Variants in CNTNAP3B observed in about 807,000 individuals in gnomAD.
The protein encoded by CNTNAP3B is contactin associated protein family member 3B.
In CNTNAP3B, 25 loss-of-function variants were observed where a neutral mutation model predicts 108.9. The ratio of observed to expected loss-of-function variants is 0.23; its 90% CI spans 0.17 to 0.32. The LOEUF is 0.32. Among genes scored for constraint, CNTNAP3B ranks in the 10% least tolerant of loss-of-function variants. The pLI is 1.00. For missense variants in CNTNAP3B, 252 were observed against 1,210.4 expected (o/e 0.21, Z 11.75); for synonymous variants, 103 against 473.4 (o/e 0.22, Z 10.16).
At chr9:42,075,156 G>A (rs1362821141) in intron 3 of CNTNAP3B, among the ~76,000 whole-genome samples, 1 of 144,332 alleles carries the variant, frequency 6.9e-6, no homozygotes, top group Non-Finnish European at 1.5e-5. Context: ...GTGTACATCT[G>A]TCTCTGGGTC....
chr9:42,020,799 C>T (rs915331658), intron 3 of CNTNAP3B, among the ~76,000 whole-genome samples: 2 of 113,902 alleles, frequency 1.8e-5, no homozygotes, highest in African/African-American at 7.4e-5. Flanking sequence ...CTCTCTAAAC[C>T]CAGCTCCTTG....
In CNTNAP3B at chr9:41,983,085, AG is replaced by A. The variant is rs936037313; in HGVS notation, c.1477+3082del. ...GGTGAAGATCGAAAAACTACCTACT[AG>A]GTACTATGCTCATTACCTGGGTGAT... On this transcript the variant is annotated intron_variant, in intron 9 of 23. Transcript: ENST00000377561. Among the ~76,000 whole-genome samples, 4 of 128,756 alleles carry A rather than the reference AG, an allele frequency of 3.1e-5. 1 individual carries two copies. The highest frequency in any genetic ancestry group is 1.6e-4 in the Admixed American group (2 of 12,678). 84.5% of individuals were successfully genotyped at this position (128,756 alleles called of 152,430 possible). A position where few individuals can be genotyped will look rare whatever the true frequency, so the allele number is the denominator to read the frequency against.
chr9:42,014,561 C>T (rs1287182446), intron 3 of CNTNAP3B, among the ~76,000 whole-genome samples: 8 of 118,740 alleles, frequency 6.7e-5, no homozygotes, highest in East Asian at 6.2e-4. Flanking sequence ...GAGGCCAAGT[C>T]GGACAGATCA....
At position 42,002,452 on chromosome 9, in the gene CNTNAP3B, G is replaced by A. The variant is rs1183605667; in HGVS notation, c.539-3848C>T. On this transcript the variant is annotated intron_variant, in intron 4 of 23. Coordinates refer to ENST00000377561, the MANE Select transcript of CNTNAP3B (RefSeq NM_001201380.3). The stretch of plus-strand genomic sequence containing the variant: ...TTGTCACACTTCCTCAAAGAATACC[G>A]GAAAAACTAAGGACAGATATGTTCA... 2.5e-4 allele frequency among the ~76,000 whole-genome samples: 24 copies of A among 97,522 alleles called. 8 individuals are homozygous for A. Among genetic ancestry groups the A allele is most frequent in the Middle Eastern group, 4.5e-3 (1 of 224 alleles). 64.0% of individuals were successfully genotyped at this position (97,522 alleles called of 152,430 possible).
intron 15 of CNTNAP3B, among the ~76,000 whole-genome samples, chr9:41,928,266 G>A (rs1321928423): frequency 4.6e-5 from 7 of 152,192 alleles, no homozygotes; most frequent in Non-Finnish European, 8.8e-5. Flanking sequence ...CAGCATGAGT[G>A]TCAGAATATT....
Position 42,116,653 on chromosome 9 carries a change from G to A in CNTNAP3B, c.86-11914C>T, listed in dbSNP as rs1396840979. 1.4e-5 allele frequency among the ~76,000 whole-genome samples: 2 copies of A among 139,416 alleles called. 1 individual carries two copies. The highest frequency in any genetic ancestry group is 5.7e-5 in the African/African-American group (2 of 35,052). 91.5% of individuals were successfully genotyped at this position (139,416 alleles called of 152,430 possible). ...TAACCAGTTAACATCATAATGACAGGATCAAATTCACACATAACAATATTA... is the reference window on the plus strand; with the variant it reads ...TAACCAGTTAACATCATAATGACAGAATCAAATTCACACATAACAATATTA... On this transcript the variant is annotated intron_variant, in intron 1 of 23. Coordinates refer to ENST00000377561, the MANE Select transcript of CNTNAP3B (RefSeq NM_001201380.3).
At chr9:42,087,336 C>A (rs1452404947) in intron 2 of CNTNAP3B, among the ~76,000 whole-genome samples, 18 of 134,296 alleles carry the variant, frequency 1.3e-4, no homozygotes, top group Non-Finnish European at 2.6e-4. Flanking sequence ...ACTACAAAGG[C>A]CTAAAAGCTC....
intron 2 of CNTNAP3B, among the ~76,000 whole-genome samples, chr9:42,079,205 T>A (rs1277502923): frequency 3.4e-5 from 3 of 87,600 alleles, no homozygotes; most frequent in African/African-American, 1.4e-4. Flanking sequence ...TAAAGACATT[T>A]GGGAGTGAGC....
intron 13 of CNTNAP3B, among the ~76,000 whole-genome samples, chr9:41,940,764 G>C (rs1330822432): frequency 3.9e-5 from 6 of 152,058 alleles, no homozygotes; most frequent in Admixed American, 2.0e-4. Context: ...GCAGTGAGCC[G>C]AGATTGTGCC....
At chr9:42,086,110 G>A (rs991708855) in intron 2 of CNTNAP3B, among the ~76,000 whole-genome samples, 12 of 140,640 alleles carry the variant, frequency 8.5e-5, no homozygotes, top group African/African-American at 3.3e-4. Context: ...TCACAATCAT[G>A]GCAGAAGGCG....
rs908374748 is a variant in CNTNAP3B, at chr9:42,116,423, A to G, written c.86-11684T>C. Among the ~76,000 whole-genome samples, 12 of 130,426 alleles carry G rather than the reference A, an allele frequency of 9.2e-5. 2 individuals are homozygous for G. The highest frequency in any genetic ancestry group is 3.5e-3 in the Middle Eastern group (1 of 282). 85.6% of individuals were successfully genotyped at this position (130,426 alleles called of 152,430 possible). On this transcript the variant is annotated intron_variant, in intron 1 of 23. Coordinates refer to ENST00000377561, the MANE Select transcript of CNTNAP3B (RefSeq NM_001201380.3). ...CCAGAATTTCATATCCAGCCAAACT[A>G]AGCTTCATAACTGAAGGAGAAATAA...
At chr9:41,970,978 A>C (rs534320422) in intron 9 of CNTNAP3B, among the ~76,000 whole-genome samples, 1 of 151,518 alleles carries the variant, frequency 6.6e-6, no homozygotes, top group Admixed American at 6.6e-5. Flanking sequence ...TTCTATGAAT[A>C]GAAAGAGATA....
chr9:41,943,267 G>T (rs1389280263), intron 13 of CNTNAP3B, among the ~76,000 whole-genome samples: 1 of 152,228 alleles, frequency 6.6e-6, no homozygotes, highest in Non-Finnish European at 1.5e-5. Context: ...TTGAAGATAC[G>T]TCAATGAAAA....
chr9:41,932,559 G>A (rs201471360), intron 14 of CNTNAP3B, among the ~76,000 whole-genome samples: 381 of 146,598 alleles, frequency 2.6e-3, no homozygotes, highest in East Asian at 0.012. Context: ...CACTCTTGTC[G>A]CCCAGGCTGG....
intron 3 of CNTNAP3B, among the ~76,000 whole-genome samples, chr9:42,075,169 A>G (rs1827460691): frequency 6.9e-6 from 1 of 144,816 alleles, no homozygotes. Flanking sequence ...TCTGGGTCCA[A>G]AGGTCCTTCT....
chr9:41,967,588 G>A (rs1825319544), intron 10 of CNTNAP3B, among the ~76,000 whole-genome samples: 1 of 152,288 alleles, frequency 6.6e-6, no homozygotes, highest in Non-Finnish European at 1.5e-5. Context: ...GATGCTTACA[G>A]GCCTGTTTTC....
chr9:42,114,810 G>C (rs1156829546), intron 1 of CNTNAP3B, among the ~76,000 whole-genome samples: 1 of 138,038 alleles, frequency 7.2e-6, no homozygotes, highest in African/African-American at 2.9e-5. Context: ...AGTGAGACTG[G>C]GCGCAGTGGT....
chr9:42,070,845 G>T (rs1459368090), intron 3 of CNTNAP3B, among the ~76,000 whole-genome samples: 1 of 151,878 alleles, frequency 6.6e-6, no homozygotes, highest in East Asian at 1.9e-4. Context: ...ACAGGCCATG[G>T]GAGATCTACT....
intron 13 of CNTNAP3B, among the ~76,000 whole-genome samples, chr9:41,946,062 T>A (rs1465574658): frequency 4.0e-5 from 6 of 151,394 alleles, no homozygotes; most frequent in Non-Finnish European, 7.4e-5. Flanking sequence ...TGTATATACC[T>A]AGCAACAGAA....
Sources: gnomAD v4.1 joint callset for allele counts (sites outside exome capture counted in the v4.1 genomes callset) on GRCh38, gnomAD v4.1.1 for gene constraint, MANE v1.5 for transcripts, NCBI Gene and HGNC (gene_info 2026-07-23, HGNC 2026-07-21) for gene names.